Variants in NEBL observed in about 807,000 individuals in gnomAD.
NEBL encodes the protein LIM and SH3 protein 2.
In NEBL, 122 loss-of-function variants were observed where a neutral mutation model predicts 140.2. The observed-to-expected ratio is 0.87, with a 90% CI of 0.75 to 1.01. NEBL has a LOEUF of 1.01. Ranked by LOEUF, NEBL falls within the 50% of genes least tolerant of loss-of-function variation. NEBL has a pLI of 0.00. For missense variants in NEBL, 1,365 were observed against 1,231.3 expected, an observed-to-expected ratio of 1.11 and a Z score of -1.62; for synonymous variants, 436 against 398.9, an observed-to-expected ratio of 1.09 and a Z score of -1.11.
chr10:21,057,147 G>T (rs1410754501), intron 2 of NEBL, among the ~76,000 whole-genome samples: 1 of 152,106 alleles, frequency 6.6e-6, no homozygotes, highest in Admixed American at 6.5e-5. Context: ...CTATGTCCCA[G>T]ATCTTATGCC....
At chr10:21,047,918 C>T (rs187858233) in intron 2 of NEBL, among the ~76,000 whole-genome samples, 94 of 152,336 alleles carry the variant, frequency 6.2e-4, no homozygotes, top group Admixed American at 1.2e-3. Context: ...GCCAAGAAGA[C>T]CACTTTCACC....
At chr10:21,221,981 T>C (rs1339630868) in intron 3 of NEBL, among the ~76,000 whole-genome samples, 2 of 151,976 alleles carry the variant, frequency 1.3e-5, no homozygotes, top group African/African-American at 4.8e-5. Context: ...GTAGTGAGGC[T>C]CTGAGCAAGC....
chr10:21,020,252 C>A, intron 2 of NEBL: 2 of 1,495,522 alleles, frequency 1.3e-6, no homozygotes, highest in Non-Finnish European at 1.9e-6. Flanking sequence ...TGCTACAAAA[C>A]AACACTTTCA....
At chr10:21,149,348 T>G (rs1337686897) in intron 2 of NEBL, among the ~76,000 whole-genome samples, 1 of 152,100 alleles carries the variant, frequency 6.6e-6, no homozygotes, top group East Asian at 1.9e-4. Context: ...TGGAGTATAG[T>G]GGTGCAATCT....
At chr10:21,259,051 G>A (rs1341901633) in intron 1 of NEBL, among the ~76,000 whole-genome samples, 2 of 151,322 alleles carry the variant, frequency 1.3e-5, no homozygotes, top group Non-Finnish European at 2.9e-5. Flanking sequence ...GTGATACTTG[G>A]GGAAAAAAAG....
intron 24 of NEBL, among the ~76,000 whole-genome samples, chr10:20,812,420 C>G (rs1838243683): frequency 6.6e-6 from 1 of 151,672 alleles, no homozygotes; most frequent in South Asian, 2.1e-4. Context: ...GTGCTGCACC[C>G]TTAACTCGTC....
chr10:21,044,001 A>G (rs1035957996), intron 2 of NEBL, among the ~76,000 whole-genome samples: 2 of 152,174 alleles, frequency 1.3e-5, no homozygotes, highest in Non-Finnish European at 2.9e-5. Flanking sequence ...GTCTAAAAAC[A>G]GGGTAGGATA....
intron 3 of NEBL, among the ~76,000 whole-genome samples, chr10:21,200,756 G>A (rs921591936): frequency 2.6e-5 from 4 of 152,168 alleles, no homozygotes; most frequent in African/African-American, 9.7e-5. Context: ...ACCAATGTAG[G>A]CCAGCTGAAT....
At chr10:20,851,983 G>C (rs1842583923) in intron 10 of NEBL, among the ~76,000 whole-genome samples, 1 of 10,320 alleles carries the variant, frequency 9.7e-5, no homozygotes, top group African/African-American at 1.6e-4. Context: ...TGCTGGAACT[G>C]ACATCTTTGC....
chr10:21,064,445 A>G (rs1835441004), intron 2 of NEBL, among the ~76,000 whole-genome samples: 1 of 152,200 alleles, frequency 6.6e-6, no homozygotes, highest in African/African-American at 2.4e-5. Context: ...TGGAAAAAGA[A>G]AACTCATGAT....
rs772086560 is a variant in NEBL, at chr10:20,823,218, T to G, written c.1952A>C (p.Asn651Thr). The change falls in exon 19 of 28, where the codon AAC becomes ACC. Residue 651 changes from asparagine to threonine, a missense_variant. By Grantham distance (65) the Asn-to-Thr change is moderately conservative (BLOSUM62 0). This residue lies in a region of NEBL where 1,323 missense variants were observed against 1,154.8 expected (regional missense o/e 1.15). Coordinates refer to ENST00000377122, the MANE Select transcript of NEBL (RefSeq NM_006393.3). ...ELKRVKENQK[N>T]ISNLQYKEQN... ...AAGAAATATGATCACATTGCTGATG[T>G]TCTTCTGGTTTTCTTTAACTCTCTT... is the stretch of plus-strand genomic sequence containing the variant. 3 of 1,603,222 alleles carry G rather than the reference T, an allele frequency of 1.9e-6. No homozygotes were observed. The South Asian group carries it at 3.3e-5, about 18-fold the overall frequency.
intron 2 of NEBL, among the ~76,000 whole-genome samples, chr10:21,081,912 C>G (rs1169703102): frequency 6.6e-6 from 1 of 152,050 alleles, no homozygotes; most frequent in Non-Finnish European, 1.5e-5. Context: ...AAATTGAAGT[C>G]TATACCAATA....
At chr10:20,817,531 C>T in intron 21 of NEBL, 69 bp downstream of exon 21, 2 of 1,223,318 alleles carry the variant, frequency 1.6e-6, no homozygotes, top group Non-Finnish European at 2.4e-6. Flanking sequence ...TCTATAAATA[C>T]AATCCCTTCA....
intron 3 of NEBL, among the ~76,000 whole-genome samples, chr10:20,981,976 G>A (rs940316920): frequency 6.6e-6 from 1 of 152,092 alleles, no homozygotes. Flanking sequence ...ATTCCTAACT[G>A]ATACACTCAT....
At chr10:20,804,175 G>A (rs1230203934) in intron 26 of NEBL, 2 of 152,076 alleles carry the variant, frequency 1.3e-5, no homozygotes, top group Non-Finnish European at 2.9e-5. Context: ...AATATCTGAA[G>A]TGGTACCAGG....
chr10:20,996,270 A>G (rs1484147119), intron 3 of NEBL, among the ~76,000 whole-genome samples: 1 of 152,234 alleles, frequency 6.6e-6, no homozygotes, highest in Non-Finnish European at 1.5e-5. Flanking sequence ...CAAACTAACA[A>G]ATTTTGGGGA....
At position 20,963,039 on chromosome 10, in the gene NEBL, C is replaced by CACACACACAT. The variant is rs1253708759; in HGVS notation, c.250-1261_250-1260insATGTGTGTGT. On this transcript the variant is annotated intron_variant, in intron 3 of 6. Transcript: ENST00000417816. ...ACACACACACACACACACACACACA[C>CACACACACAT]ACACACACGGAAATCTAGATACTCT... Among the ~76,000 whole-genome samples, 694 of 150,302 alleles carry CACACACACAT rather than the reference C, an allele frequency of 4.6e-3. 1 individual carries two copies. The highest frequency in any genetic ancestry group is 0.016 in the African/African-American group (654 of 41,164).
chr10:20,891,551 T>A (rs997455161), intron 2 of NEBL, among the ~76,000 whole-genome samples: 1 of 152,232 alleles, frequency 6.6e-6, no homozygotes, highest in East Asian at 1.9e-4. Context: ...CAGTGGTATG[T>A]GCTTGTGGCT....
At chr10:21,123,215 A>G (rs1445718691) in intron 2 of NEBL, among the ~76,000 whole-genome samples, 1 of 152,148 alleles carries the variant, frequency 6.6e-6, no homozygotes, top group Non-Finnish European at 1.5e-5. Flanking sequence ...CAAGATTCTC[A>G]CTGTTCTAGA....
Sources: gnomAD v4.1 joint callset for allele counts (sites outside exome capture counted in the v4.1 genomes callset) on GRCh38, gnomAD v4.1.1 for gene constraint, gnomAD v4.1.1 regional missense constraint, MANE v1.5 for transcripts, NCBI Gene and HGNC (gene_info 2026-07-23, HGNC 2026-07-21) for gene names.